The following HIPK1 variants were observed in gnomAD, a reference collection of about 807,000 sequenced individuals.
HIPK1 encodes the protein homeodomain interacting protein kinase 1, also known as homeodomain-interacting protein kinase 1.
In HIPK1, 28 loss-of-function variants were observed where a neutral mutation model predicts 117.1. The observed-to-expected ratio is 0.24, with a 90% CI of 0.18 to 0.33. HIPK1 has a LOEUF of 0.33. HIPK1 is among the 10% of genes least tolerant of loss of function. HIPK1 has a pLI of 1.00. For synonymous variants in HIPK1, 605 were observed against 562.5 expected (o/e 1.08, Z -1.07); for missense variants, 1,122 against 1,475.1 (o/e 0.76, Z 3.92).
chr1:113,955,876 A>T (rs1489397093), intron 5 of HIPK1, among the ~76,000 whole-genome samples: 1 of 152,120 alleles, frequency 6.6e-6, no homozygotes, highest in African/African-American at 2.4e-5. Flanking sequence ...GTTACATAGC[A>T]GTGTTTTAAA....
rs1355112817 is a variant in HIPK1 at position 113,940,506 on chromosome 1, ATAT to A, written c.127_129del (p.Tyr43del). The A allele has an allele frequency of 1.2e-6, 2 of 1,614,040 alleles. No individual in the cohort carries two copies. Among genetic ancestry groups the A allele is most frequent in the East Asian group, 2.2e-5 (1 of 44,892 alleles). The stretch of plus-strand genomic sequence containing the variant: ...TTTCAGGACAGAGTAGCAACGACAA[ATAT>A]TATACCCACAGCAAAACCCTCCCAG... On this transcript the variant is annotated inframe_deletion, in exon 2 of 16. Transcript: ENST00000426820.
intron 7 of HIPK1, among the ~76,000 whole-genome samples, 171 bp from the exon 8 acceptor site, chr1:113,957,895 C>T (rs1172380151): frequency 1.3e-5 from 2 of 151,704 alleles, no homozygotes. Context: ...ATATAATATG[C>T]CTTCAATTTA....
chr1:113,949,540 T>C (rs1287435063), intron 2 of HIPK1, among the ~76,000 whole-genome samples: 1 of 152,114 alleles, frequency 6.6e-6, no homozygotes, highest in Non-Finnish European at 1.5e-5. Context: ...CCATCAGTAA[T>C]ATGTGCCTCT....
In HIPK1 at chr1:113,971,920, G is replaced by A. The variant is rs1030965354; in HGVS notation, c.3110G>A (p.Gly1037Glu). 18 of 1,608,320 alleles carry A rather than the reference G, an allele frequency of 1.1e-5. No homozygotes were observed. In the African/African-American group the frequency reaches 2.1e-4, roughly 19 times the overall value. The change falls in exon 15 of 16, where the codon GGG becomes GAG. Residue 1037 changes from glycine to glutamate, a missense_variant. Physicochemically the swap from Gly to Glu is moderately conservative, Grantham distance 98 (BLOSUM62 -2). Around this residue, in one of 6 missense-constraint regions of HIPK1, gnomAD observed 731 missense variants for 860.4 expected, o/e 0.85. Transcript: ENST00000426820. ...ACAGGGTATCGAGCTCAACGCGGGG[G>A]GACCAGTGCAGCACAACCACTCAAT... ...TPTGYRAQRG[G>E]TSAAQPLNLS...
chr1:113,955,457 T>C (rs868543078), intron 4 of HIPK1, 106 bp from the exon 5 acceptor site: 2 of 689,738 alleles, frequency 2.9e-6, no homozygotes, highest in Non-Finnish European at 5.1e-6. Context: ...CCATCTATGG[T>C]TGGCAAGGTG....
intron 2 of HIPK1, among the ~76,000 whole-genome samples, chr1:113,949,880 A>G (rs11102706): frequency 0.28 from 43,060 of 152,046 alleles, 6,195 homozygotes; most frequent in African/African-American, 0.33. Context: ...TATTACAGGC[A>G]TGAGCCACCG....
At chr1:113,936,756 A>T (rs1670277379) in intron 1 of HIPK1, among the ~76,000 whole-genome samples, 1 of 152,198 alleles carries the variant, frequency 6.6e-6, no homozygotes, top group African/African-American at 2.4e-5. Context: ...TTGGTATTTC[A>T]TGAATTCTTT....
At chr1:113,964,580 A>G (rs555386417) in intron 10 of HIPK1, among the ~76,000 whole-genome samples, 1 of 152,230 alleles carries the variant, frequency 6.6e-6, no homozygotes, top group Non-Finnish European at 1.5e-5. Context: ...AAGTTGCTTT[A>G]AATTTCTTTT....
chr1:113,947,312 G>GT (rs1671047934), intron 2 of HIPK1, among the ~76,000 whole-genome samples: 1 of 152,148 alleles, frequency 6.6e-6, no homozygotes, highest in African/African-American at 2.4e-5. Flanking sequence ...CAGGCTGAAT[G>GT]TTTTTCCCTA....
intron 1 of HIPK1, chr1:113,929,991 G>C (rs1669742527): frequency 2.0e-6 from 2 of 985,204 alleles, no homozygotes. Flanking sequence ...CTTCCCCTCA[G>C]CTCCCTGAGG....
At chr1:113,951,363 A>T (rs1671353002) in intron 2 of HIPK1, 1 of 805,532 alleles carries the variant, frequency 1.2e-6, no homozygotes. Flanking sequence ...GATTGCAGGG[A>T]TTCAAATCCT....
chr1:113,967,534 A>C (rs1427347118), intron 11 of HIPK1, among the ~76,000 whole-genome samples: 1 of 152,148 alleles, frequency 6.6e-6, no homozygotes, highest in Non-Finnish European at 1.5e-5. Flanking sequence ...CTTTTGGAAA[A>C]TGTCTATTCA....
intron 5 of HIPK1, among the ~76,000 whole-genome samples, chr1:113,956,067 ATTTTTTT>A (rs755763487): frequency 4.4e-5 from 4 of 91,826 alleles, no homozygotes; most frequent in Non-Finnish European, 6.2e-5. Flanking sequence ...TACTTGTTCC[ATTTTTTT>A]TTTTTTTTTT....
intron 2 of HIPK1, among the ~76,000 whole-genome samples, chr1:113,948,312 C>T (rs536057685): frequency 3.3e-4 from 50 of 152,198 alleles, no homozygotes; most frequent in South Asian, 1.5e-3. Flanking sequence ...AGTGCAGTGG[C>T]GCAATCATGG....
chr1:113,929,644 C>G, intron 1 of HIPK1, 112 bp downstream of exon 1: 2 of 1,025,992 alleles, frequency 1.9e-6, no homozygotes, highest in Non-Finnish European at 2.6e-6. Context: ...ACGGCGGCTG[C>G]GGAGCAAGGG....
chr1:113,945,161 A>T (rs1670909139), intron 2 of HIPK1, among the ~76,000 whole-genome samples: 1 of 152,012 alleles, frequency 6.6e-6, no homozygotes, highest in Non-Finnish European at 1.5e-5. Flanking sequence ...GCATTTTTTT[A>T]TGTGCCCGAC....
chr1:113,967,158 A>T (rs78932228), intron 11 of HIPK1, among the ~76,000 whole-genome samples: 1 of 152,160 alleles, frequency 6.6e-6, no homozygotes, highest in East Asian at 1.9e-4. Context: ...GCTGCTTCCA[A>T]ATCTTACTGT....
intron 11 of HIPK1, 94 bp from the exon 12 acceptor site, chr1:113,967,672 A>G: frequency 3.8e-6 from 3 of 788,320 alleles, no homozygotes; most frequent in Non-Finnish European, 5.8e-6. Flanking sequence ...AATAAAATGC[A>G]GCTGCATTTT....
intron 2 of HIPK1, chr1:113,951,297 GTACTTT>G (rs112621244): frequency 5.1e-6 from 5 of 981,264 alleles, no homozygotes; most frequent in African/African-American, 3.5e-5. Flanking sequence ...AGATGAGTAT[GTACTTT>G]TACTTATTGA....
Sources: allele counts gnomAD v4.1 joint callset (sites outside exome capture counted in the v4.1 genomes callset), GRCh38; gene constraint gnomAD v4.1.1; regional missense constraint gnomAD v4.1.1; transcripts MANE v1.5; gene names NCBI Gene and HGNC (gene_info 2026-07-23, HGNC 2026-07-21).